SGCG: variants seen among roughly 807,000 people sequenced by gnomAD.
SGCG encodes the protein sarcoglycan gamma, also known as gamma-sarcoglycan.
In SGCG, 26 loss-of-function variants were observed where a neutral mutation model predicts 29.3. That is an observed-to-expected ratio of 0.89 (90% CI 0.65 to 1.23). The LOEUF (loss-of-function observed/expected upper bound fraction) is 1.23. Ranked by LOEUF, SGCG falls within the 50% of genes most tolerant of loss-of-function variation. SGCG has a pLI of 0.00. For synonymous variants in SGCG, 145 were observed against 129.7 expected, an observed-to-expected ratio of 1.12 and a Z score of -0.80; for missense variants, 353 against 356.0, an observed-to-expected ratio of 0.99 and a Z score of 0.07.
intron 6 of SGCG, among the ~76,000 whole-genome samples, chr13:23,296,590 T>C (rs472479): frequency 2.2e-4 from 34 of 151,702 alleles, no homozygotes; most frequent in African/African-American, 8.2e-4. Flanking sequence ...CTCATTCTCT[T>C]CTCCCGGTCA....
intron 1 of SGCG, among the ~76,000 whole-genome samples, chr13:23,184,677 TTCTC>T (rs1363431380): frequency 6.6e-6 from 1 of 152,074 alleles, no homozygotes; most frequent in Non-Finnish European, 1.5e-5. Flanking sequence ...GTCTTTTTAA[TTCTC>T]TCTCTCTCCC....
intron 6 of SGCG, among the ~76,000 whole-genome samples, chr13:23,310,449 A>G (rs984454343): frequency 6.6e-6 from 1 of 152,116 alleles, no homozygotes; most frequent in Non-Finnish European, 1.5e-5. Context: ...TGGTATTACA[A>G]TTGCTATACC....
chr13:23,172,898 A>C, the SGCG span, among the ~76,000 whole-genome samples: 1 of 152,220 alleles, frequency 6.6e-6, no homozygotes, highest in Non-Finnish European at 1.5e-5. Flanking sequence ...AGAAGGACAC[A>C]TGTTGATACA....
In SGCG at chr13:23,212,934, C is replaced by T. The variant is rs533278074; in HGVS notation, c.195+9045C>T. 2.0e-5 allele frequency among the ~76,000 whole-genome samples: 3 copies of T among 152,252 alleles called. No homozygotes were observed. The South Asian group carries it at 6.2e-4, about 32-fold the overall frequency. ...TTCACATTCTTTCCCATATTATCTC[C>T]TTTGTAATGTTTTTTGCTGACAGTG... On this transcript the variant is annotated intron_variant, in intron 2 of 7. Transcript: ENST00000218867.
intron 1 of SGCG, among the ~76,000 whole-genome samples, chr13:23,188,562 G>A (rs1291011906): frequency 1.4e-5 from 2 of 145,170 alleles, no homozygotes; most frequent in East Asian, 2.0e-4. Flanking sequence ...CAAGCAATCC[G>A]CCTGCCTCTG....
intron 1 of SGCG, among the ~76,000 whole-genome samples, chr13:23,199,833 T>G (rs1222066792): frequency 6.6e-6 from 1 of 152,130 alleles, no homozygotes; most frequent in Non-Finnish European, 1.5e-5. Flanking sequence ...GTGGTCAGTA[T>G]TTTCTTCCAG....
At position 23,295,880 on chromosome 13, in the gene SGCG, C is replaced by T. The variant is rs370596923; in HGVS notation, c.578+393C>T. ...CCTTCATAGTCTGGGCTGTGACTGGCGGGACCTCCTCCCCTACCCTGTCAC... is the reference window on the plus strand; with the variant it reads ...CCTTCATAGTCTGGGCTGTGACTGGTGGGACCTCCTCCCCTACCCTGTCAC... On this transcript the variant is annotated intron_variant, in intron 6 of 7. Transcript: ENST00000218867. Among the ~76,000 whole-genome samples the T allele has an allele frequency of 1.9e-4, 29 of 152,296 alleles. No homozygotes were observed. In the South Asian group the frequency reaches 5.4e-3, roughly 28 times the overall value.
intron 1 of SGCG, among the ~76,000 whole-genome samples, chr13:23,193,895 A>G (rs1253290089): frequency 2.0e-5 from 3 of 152,202 alleles, no homozygotes; most frequent in Non-Finnish European, 4.4e-5. Context: ...GGCCAGAGAA[A>G]AAGAGAAGAT....
At chr13:23,309,102 T>C (rs1355454756) in intron 6 of SGCG, among the ~76,000 whole-genome samples, 4 of 152,158 alleles carry the variant, frequency 2.6e-5, no homozygotes, top group East Asian at 3.8e-4. Flanking sequence ...TTATAGTTTT[T>C]GTTTCTATTG....
At chr13:23,269,864 T>G (rs1880794411) in intron 4 of SGCG, among the ~76,000 whole-genome samples, 1 of 100,088 alleles carries the variant, frequency 1.0e-5, no homozygotes. Flanking sequence ...TGCTTTTTTT[T>G]GTTTTTTTTG....
At chr13:23,303,738 T>C (rs976043103) in intron 6 of SGCG, among the ~76,000 whole-genome samples, 3 of 152,334 alleles carry the variant, frequency 2.0e-5, no homozygotes, top group South Asian at 2.1e-4. Flanking sequence ...GTTGGAGATA[T>C]AGCTCCATGA....
intron 4 of SGCG, among the ~76,000 whole-genome samples, chr13:23,260,048 T>G (rs1252355615): frequency 6.6e-6 from 1 of 152,180 alleles, no homozygotes; most frequent in African/African-American, 2.4e-5. Flanking sequence ...GTTCTGTAGA[T>G]GTCTATTAGG....
chr13:23,269,827 A>G (rs1302405896), intron 4 of SGCG, among the ~76,000 whole-genome samples: 1 of 142,066 alleles, frequency 7.0e-6, no homozygotes, highest in African/African-American at 2.6e-5. Flanking sequence ...TAACAATTGC[A>G]TATGTATTTT....
intron 4 of SGCG, 100 bp downstream of exon 4, chr13:23,250,817 T>A (rs1325453825): frequency 3.9e-6 from 3 of 770,930 alleles, no homozygotes; most frequent in Non-Finnish European, 6.9e-6. Flanking sequence ...AAGCTACTTA[T>A]GAACAAAATA....
At chr13:23,230,662 T>C (rs1228100557) in intron 2 of SGCG, among the ~76,000 whole-genome samples, 1 of 152,224 alleles carries the variant, frequency 6.6e-6, no homozygotes, top group Non-Finnish European at 1.5e-5. Flanking sequence ...TGAAATTGCT[T>C]ATCATCTCAA....
At position 23,276,431 on chromosome 13, in the gene SGCG, C is replaced by CTTTTTTTTTT. The variant is rs71100165; in HGVS notation, c.386-2918_386-2909dup. Among the ~76,000 whole-genome samples the CTTTTTTTTTT allele has an allele frequency of 1.7e-3, 174 of 102,368 alleles. 10 individuals carry two copies. The highest frequency in any genetic ancestry group is 1.9e-3 in the Non-Finnish European group (101 of 53,448). 67.2% of individuals were successfully genotyped at this position (102,368 alleles called of 152,430 possible). On this transcript the variant is annotated intron_variant, in intron 4 of 7. Transcript: ENST00000218867. ...CATGAACGCTTTCTTTTTTAGTTTT[C>CTTTTTTTTTT]TTTTTTTTTTTTTTTTTTTGAGACA...
intron 2 of SGCG, among the ~76,000 whole-genome samples, chr13:23,213,638 ATATAT>A (rs1878316718): frequency 2.0e-5 from 3 of 152,246 alleles, no homozygotes; most frequent in Admixed American, 6.5e-5. Flanking sequence ...CACTTTACAA[ATATAT>A]TTTATAAATA....
At chr13:23,317,564 A>G (rs746678777) in intron 6 of SGCG, among the ~76,000 whole-genome samples, 1 of 152,208 alleles carries the variant, frequency 6.6e-6, no homozygotes, top group Admixed American at 6.5e-5. Context: ...ATACTTGTGC[A>G]TGTATACACT....
intron 4 of SGCG, among the ~76,000 whole-genome samples, chr13:23,277,988 G>A (rs1475190154): frequency 4.0e-5 from 6 of 151,542 alleles, no homozygotes; most frequent in African/African-American, 9.7e-5. Flanking sequence ...GTGAGCCACC[G>A]CGCCCAGCCT....
Sources: gnomAD v4.1 joint callset for allele counts (sites outside exome capture counted in the v4.1 genomes callset) on GRCh38, gnomAD v4.1.1 for gene constraint, MANE v1.5 for transcripts, NCBI Gene and HGNC (gene_info 2026-07-23, HGNC 2026-07-21) for gene names.